The following TSHZ2 variants were observed in gnomAD, a reference collection of about 807,000 sequenced individuals.
TSHZ2 encodes teashirt homolog 2.
A neutral mutation model predicts 74.4 loss-of-function variants in TSHZ2; 21 were observed. That is an observed-to-expected ratio of 0.28 (90% CI 0.20 to 0.41). The LOEUF (loss-of-function observed/expected upper bound fraction) is 0.41, where lower values mean the gene tolerates loss of function less well. Ranked by LOEUF, TSHZ2 falls within the 10% of genes least tolerant of loss-of-function variation. The probability of loss-of-function intolerance (pLI) is 1.00; values close to 1 mark genes in which losing one functional copy is unlikely to be tolerated. For synonymous variants in TSHZ2, 540 were observed against 515.3 expected, an observed-to-expected ratio of 1.05 and a Z score of -0.65; for missense variants, 1,244 against 1,293.5, an observed-to-expected ratio of 0.96 and a Z score of 0.59.
Position 53,253,534 on chromosome 20 carries a change from G to A in TSHZ2, c.76G>A (p.Glu26Lys). 6.2e-7 allele frequency: 1 copy of A among 1,612,818 alleles called. No individual in the cohort carries two copies. Among genetic ancestry groups the A allele is most frequent in the Non-Finnish European group, 8.5e-7 (1 of 1,179,338 alleles). ...AQEEQLKEEE[E>K]IKEEEEEEDS... ...GGAGGAACAGCTGAAAGAAGAGGAG[G>A]AAATAAAAGAAGAGGAGGAGGAGGA... The change falls in exon 2 of 3, where the codon GAA becomes AAA. Residue 26 changes from glutamate (E) to lysine (K), a missense_variant. Around this residue, in one of 6 missense-constraint regions of TSHZ2, gnomAD observed 470 missense variants for 456.5 expected, o/e 1.03. Transcript: ENST00000371497.
chr20:53,089,360 A>C, intron 1 of TSHZ2, among the ~76,000 whole-genome samples: 1 of 132,890 alleles, frequency 7.5e-6, no homozygotes, highest in African/African-American at 2.9e-5. Context: ...GAGTTTTTCC[A>C]ACTTCCAGGC....
intron 1 of TSHZ2, among the ~76,000 whole-genome samples, chr20:53,113,120 G>A (rs1986578087): frequency 6.6e-6 from 1 of 152,226 alleles, no homozygotes; most frequent in South Asian, 2.1e-4. Flanking sequence ...GCGGACTGCA[G>A]AAGAAGTCAG....
chr20:53,301,144 G>A (rs188664754), intron 2 of TSHZ2, among the ~76,000 whole-genome samples: 1 of 151,954 alleles, frequency 6.6e-6, no homozygotes, highest in East Asian at 1.9e-4. Flanking sequence ...TTTTAGTAGA[G>A]ACAAGGTTTC....
intron 1 of TSHZ2, among the ~76,000 whole-genome samples, chr20:53,033,892 G>A (rs969835240): frequency 7.2e-5 from 11 of 151,828 alleles, no homozygotes; most frequent in African/African-American, 2.4e-4. Flanking sequence ...ACTCCTGACC[G>A]CAGGTGATCC....
chr20:53,051,208 T>A (rs1176199378), intron 1 of TSHZ2, among the ~76,000 whole-genome samples: 2 of 152,006 alleles, frequency 1.3e-5, no homozygotes, highest in East Asian at 1.9e-4. Flanking sequence ...GTGTGGTGGC[T>A]GGCGCCTGTA....
At chr20:53,343,111 C>T (rs182701136) in intron 2 of TSHZ2, among the ~76,000 whole-genome samples, 120 of 151,880 alleles carry the variant, frequency 7.9e-4, no homozygotes, top group African/African-American at 2.8e-3. Flanking sequence ...GGATTACAGG[C>T]GTGTGCCACC....
chr20:52,987,178 A>G (rs923649894), intron 1 of TSHZ2, among the ~76,000 whole-genome samples: 1 of 152,192 alleles, frequency 6.6e-6, no homozygotes, highest in African/African-American at 2.4e-5. Context: ...TTTTGCAAAT[A>G]TGGAGGGAAT....
At chr20:53,102,639 G>A (rs1986250839) in intron 1 of TSHZ2, among the ~76,000 whole-genome samples, 1 of 152,146 alleles carries the variant, frequency 6.6e-6, no homozygotes, top group South Asian at 2.1e-4. Flanking sequence ...TATGTTTTGG[G>A]TTCTACAATA....
At chr20:53,238,968 A>G (rs1990003901) in intron 1 of TSHZ2, among the ~76,000 whole-genome samples, 1 of 152,170 alleles carries the variant, frequency 6.6e-6, no homozygotes, top group African/African-American at 2.4e-5. Flanking sequence ...CACTCCCGCC[A>G]AGATGGCCAA....
intron 1 of TSHZ2, among the ~76,000 whole-genome samples, chr20:53,057,795 T>A (rs1984690829): frequency 6.6e-6 from 1 of 152,152 alleles, no homozygotes; most frequent in African/African-American, 2.4e-5. Flanking sequence ...GAGGTGCAGG[T>A]AAGCACGTGG....
intron 1 of TSHZ2, among the ~76,000 whole-genome samples, chr20:53,004,476 C>T (rs921917860): frequency 2.0e-5 from 3 of 152,264 alleles, no homozygotes; most frequent in Middle Eastern, 3.4e-3. Context: ...CCCATGCAGG[C>T]GTTGCCCCGC....
At chr20:53,187,243 T>A (rs967130716) in intron 1 of TSHZ2, among the ~76,000 whole-genome samples, 3 of 152,178 alleles carry the variant, frequency 2.0e-5, no homozygotes, top group African/African-American at 7.2e-5. Context: ...AACATTGCAG[T>A]ATTATGAGAA....
chr20:53,210,584 C>T (rs1235047850), intron 1 of TSHZ2, among the ~76,000 whole-genome samples: 2 of 151,746 alleles, frequency 1.3e-5, no homozygotes, highest in Non-Finnish European at 2.9e-5. Flanking sequence ...TCCTTGTCTC[C>T]TCATCTGCTT....
chr20:53,354,136 A>G (rs1286169759), intron 2 of TSHZ2, among the ~76,000 whole-genome samples: 1 of 152,234 alleles, frequency 6.6e-6, no homozygotes, highest in Non-Finnish European at 1.5e-5. Context: ...AAGGCAAGTA[A>G]TGAGTTTCAG....
intron 1 of TSHZ2, among the ~76,000 whole-genome samples, chr20:53,094,385 T>C (rs1745857139): frequency 6.6e-6 from 1 of 152,214 alleles, no homozygotes; most frequent in African/African-American, 2.4e-5. Context: ...CTGCCATCTC[T>C]GGTATATGAG....
intron 1 of TSHZ2, chr20:53,168,524 G>A (rs1988114635): frequency 6.6e-6 from 1 of 152,134 alleles, no homozygotes; most frequent in Admixed American, 6.5e-5. Flanking sequence ...ATGAATACTG[G>A]AAAAATTGAT....
At chr20:53,143,406 G>A (rs1009671228) in intron 1 of TSHZ2, among the ~76,000 whole-genome samples, 2 of 152,108 alleles carry the variant, frequency 1.3e-5, no homozygotes, top group African/African-American at 4.8e-5. Context: ...AAAAATAATT[G>A]TAATAGGCCG....
intron 1 of TSHZ2, among the ~76,000 whole-genome samples, chr20:53,066,448 G>A (rs1984991618): frequency 6.6e-6 from 1 of 152,040 alleles, no homozygotes; most frequent in Admixed American, 6.6e-5. Context: ...AGAAAATGGA[G>A]GTGAAGTGGA....
chr20:53,228,103 AACACACACACAC>A (rs10561638), intron 1 of TSHZ2, among the ~76,000 whole-genome samples: 35 of 134,540 alleles, frequency 2.6e-4, no homozygotes, highest in Middle Eastern at 3.6e-3. Flanking sequence ...TGGCCCCCAA[AACACACACACAC>A]ACACACACAC....
Sources: gnomAD v4.1 joint callset for allele counts (sites outside exome capture counted in the v4.1 genomes callset) on GRCh38, gnomAD v4.1.1 for gene constraint, gnomAD v4.1.1 regional missense constraint, MANE v1.5 for transcripts, NCBI Gene and HGNC (gene_info 2026-07-23, HGNC 2026-07-21) for gene names.